DOCK1: variants seen among roughly 807,000 people sequenced by gnomAD.
DOCK1 encodes the protein dedicator of cytokinesis 1.
In DOCK1, 138 loss-of-function variants were observed where a neutral mutation model predicts 262.7. The ratio of observed to expected loss-of-function variants is 0.53; its 90% CI spans 0.46 to 0.61. The LOEUF is 0.61. DOCK1 is among the 20% of genes least tolerant of loss of function. DOCK1 has a pLI of 0.00. For missense variants in DOCK1, 1,908 were observed against 2,370.7 expected, an observed-to-expected ratio of 0.80 and a Z score of 4.05; for synonymous variants, 866 against 867.4, an observed-to-expected ratio of 1.00 and a Z score of 0.03.
chr10:127,236,596 G>A (rs1180765341), intron 27 of DOCK1, among the ~76,000 whole-genome samples: 2 of 133,780 alleles, frequency 1.5e-5, no homozygotes, highest in Non-Finnish European at 3.0e-5. Flanking sequence ...GTACCACACT[G>A]TCTTGATATC....
At chr10:127,126,035 A>C (rs183309078) in intron 26 of DOCK1, among the ~76,000 whole-genome samples, 416 of 151,932 alleles carry the variant, frequency 2.7e-3, no homozygotes, top group African/African-American at 9.8e-3. Flanking sequence ...TCCTCCCCTC[A>C]GGCTCTCTTC....
intron 23 of DOCK1, among the ~76,000 whole-genome samples, chr10:127,071,472 A>C (rs745961701): frequency 1.3e-5 from 2 of 152,194 alleles, no homozygotes; most frequent in Admixed American, 1.3e-4. Flanking sequence ...AATGAAAATC[A>C]TCTCTCTTCC....
chr10:127,444,636 G>A (rs1214598323), intron 50 of DOCK1, among the ~76,000 whole-genome samples: 3 of 152,174 alleles, frequency 2.0e-5, no homozygotes, highest in East Asian at 3.9e-4. Flanking sequence ...CTGTGCACTG[G>A]AGAAGCACCT....
rs977979281 is a variant in DOCK1 at position 127,354,924 on chromosome 10, C to T, written c.3283+197C>T. ...CCAAAGGCAAGGAAAGAAAATCTCA[C>T]GGGTGGGGCAAAAAGAAAAATCCAC... On this transcript the variant is annotated intron_variant, in intron 32 of 51. Transcript: ENST00000623213. 3.9e-5 allele frequency among the ~76,000 whole-genome samples: 6 copies of T among 152,324 alleles called. No individual in the cohort carries two copies. The East Asian group carries it at 7.7e-4, about 20-fold the overall frequency.
rs531296819 is a variant in DOCK1, at chr10:126,921,543, G to A, written c.46+15980G>A. Among the ~76,000 whole-genome samples the A allele has an allele frequency of 4.6e-5, 7 of 152,274 alleles. No homozygotes were observed. The South Asian group carries it at 6.2e-4, about 14-fold the overall frequency. On this transcript the variant is annotated intron_variant, in intron 1 of 51. Coordinates refer to ENST00000623213, the MANE Select transcript of DOCK1 (RefSeq NM_001290223.2). ...ACAGAAAGCAGATTAGTGGTTGCCC[G>A]GGACTAGGGGAGGGCGTGATGGGGA...
intron 29 of DOCK1, among the ~76,000 whole-genome samples, chr10:127,262,966 C>T (rs1056999072): frequency 3.9e-5 from 6 of 152,164 alleles, no homozygotes; most frequent in Admixed American, 3.3e-4. Flanking sequence ...CAAAATTTAA[C>T]CCCAGAGCAT....
chr10:126,976,307 A>G (rs1479312086), intron 2 of DOCK1, among the ~76,000 whole-genome samples: 1 of 152,186 alleles, frequency 6.6e-6, no homozygotes, highest in Non-Finnish European at 1.5e-5. Flanking sequence ...TCCCCCAATC[A>G]GTCTGTTGAG....
chr10:127,284,134 C>G (rs554532297), intron 29 of DOCK1, among the ~76,000 whole-genome samples: 2 of 152,010 alleles, frequency 1.3e-5, no homozygotes, highest in South Asian at 4.1e-4. Context: ...CTATTTACAT[C>G]CTTTGCTCAT....
chr10:127,223,443 A>G (rs1189743181), intron 27 of DOCK1, among the ~76,000 whole-genome samples: 7 of 152,196 alleles, frequency 4.6e-5, no homozygotes, highest in African/African-American at 1.7e-4. Context: ...CAGATCGAGC[A>G]TCCCTAATTG....
At chr10:127,050,306 T>C (rs2044632877) in intron 21 of DOCK1, among the ~76,000 whole-genome samples, 1 of 151,374 alleles carries the variant, frequency 6.6e-6, no homozygotes, top group Non-Finnish European at 1.5e-5. Context: ...ATAACAGATA[T>C]TTCCTTAATT....
intron 43 of DOCK1, among the ~76,000 whole-genome samples, chr10:127,412,085 C>T (rs2067888334): frequency 6.6e-6 from 1 of 151,836 alleles, no homozygotes; most frequent in African/African-American, 2.4e-5. Flanking sequence ...GCCTCACCCT[C>T]CCAAGTAGCT....
chr10:127,280,033 TA>T (rs1554939163), intron 29 of DOCK1, among the ~76,000 whole-genome samples: 5 of 107,272 alleles, frequency 4.7e-5, no homozygotes, highest in East Asian at 4.6e-4. Flanking sequence ...TATATATATA[TA>T]ATTTTTTTTT....
chr10:127,424,175 CAT>C (rs2073856727), intron 46 of DOCK1, among the ~76,000 whole-genome samples: 3 of 152,346 alleles, frequency 2.0e-5, no homozygotes, highest in Admixed American at 6.5e-5. Flanking sequence ...CCCAAGTAGA[CAT>C]ATAACAGGGA....
At chr10:126,936,995 C>T (rs2034599182) in intron 1 of DOCK1, among the ~76,000 whole-genome samples, 1 of 152,150 alleles carries the variant, frequency 6.6e-6, no homozygotes, top group Admixed American at 6.5e-5. Context: ...AGGAACGAAT[C>T]TAGGAACTTC....
chr10:126,949,748 G>A (rs2036024878), intron 1 of DOCK1, among the ~76,000 whole-genome samples: 1 of 152,138 alleles, frequency 6.6e-6, no homozygotes, highest in South Asian at 2.1e-4. Flanking sequence ...GACAAGGTTT[G>A]CTTGTGACAG....
intron 1 of DOCK1, among the ~76,000 whole-genome samples, chr10:126,928,364 C>T (rs1462352929): frequency 8.6e-5 from 13 of 151,612 alleles, no homozygotes; most frequent in African/African-American, 1.5e-4. Flanking sequence ...CAGTGGAGCC[C>T]GCAGCCTGAC....
intron 1 of DOCK1, among the ~76,000 whole-genome samples, chr10:126,953,200 T>C (rs970639767): frequency 1.0e-3 from 157 of 151,560 alleles, no homozygotes; most frequent in Non-Finnish European, 1.7e-3. Context: ...GTGGAGGTGG[T>C]AGTGGTGGTA....
intron 29 of DOCK1, among the ~76,000 whole-genome samples, chr10:127,258,165 TTTGTG>T (rs1164519608): frequency 1.3e-5 from 2 of 152,202 alleles, no homozygotes; most frequent in Non-Finnish European, 2.9e-5. Flanking sequence ...TTCATTAGTG[TTTGTG>T]TTGAGTTGTG....
Position 126,987,556 on chromosome 10 carries a change from T to C in DOCK1, c.263T>C (p.Leu88Pro). Residue 88 changes from leucine to proline, a missense_variant, in exon 5 of 52, where the codon CTC becomes CCC. This residue lies in a region of DOCK1 where 227 missense variants were observed against 254.1 expected (regional missense o/e 0.89). Transcript: ENST00000623213. ...HETVIPGDLP[L>P]IQEVTTTLRE... Reference sequence around the variant, plus strand: ...ACAGTCATCCCGGGTGACCTCCCCCTCATCCAGGAAGTCACCACGACACTC... The same window carrying C: ...ACAGTCATCCCGGGTGACCTCCCCCCCATCCAGGAAGTCACCACGACACTC... 1 of 1,581,486 alleles carries C rather than the reference T, an allele frequency of 6.3e-7. No homozygotes were observed. The highest frequency in any genetic ancestry group is 8.6e-7 in the Non-Finnish European group (1 of 1,163,512).
Sources: gnomAD v4.1 joint callset for allele counts (sites outside exome capture counted in the v4.1 genomes callset) on GRCh38, gnomAD v4.1.1 for gene constraint, gnomAD v4.1.1 regional missense constraint, MANE v1.5 for transcripts, NCBI Gene and HGNC (gene_info 2026-07-23, HGNC 2026-07-21) for gene names.